Variants in RGL1 observed in about 807,000 individuals in gnomAD.
RGL1 encodes the protein ral guanine nucleotide dissociation stimulator-like 1.
Under a neutral mutation model 95.2 loss-of-function variants are expected in RGL1, and 24 were observed. The ratio of observed to expected loss-of-function variants is 0.25; its 90% CI spans 0.18 to 0.35. RGL1 has a LOEUF of 0.35. Ranked by LOEUF, RGL1 falls within the 10% of genes least tolerant of loss-of-function variation. The pLI is 1.00. For synonymous variants in RGL1, 329 were observed against 344.9 expected (o/e 0.95, Z 0.51); for missense variants, 715 against 936.3 (o/e 0.76, Z 3.08).
In RGL1 at chr1:183,902,565, T is replaced by C. The variant is rs750816734; in HGVS notation, c.1318-3T>C. 6.8e-6 allele frequency: 11 copies of C among 1,607,910 alleles called. No homozygotes were observed. Among genetic ancestry groups the C allele is most frequent in the Admixed American group, 5.1e-5 (3 of 58,602 alleles). On this transcript the variant is annotated splice_polypyrimidine_tract_variant and splice_region_variant and intron_variant, in intron 11 of 17. Coordinates refer to ENST00000360851, the MANE Select transcript of RGL1 (RefSeq NM_001297671.3). ...TCACTCTTTTTATTAAAATTTCTTT[T>C]AGGGTGGACTGATAAACTTTGAGAA...
chr1:183,748,617 A>T (rs1657801057), intron 2 of RGL1, among the ~76,000 whole-genome samples: 1 of 152,162 alleles, frequency 6.6e-6, no homozygotes, highest in African/African-American at 2.4e-5. Flanking sequence ...TGTGTTAGCC[A>T]GGATGGTCTC....
intron 4 of RGL1, among the ~76,000 whole-genome samples, chr1:183,870,999 T>A (rs985711605): frequency 6.6e-6 from 1 of 152,248 alleles, no homozygotes; most frequent in African/African-American, 2.4e-5. Flanking sequence ...TCCCTTTGTT[T>A]CAGTTTCTTC....
chr1:183,698,317 T>G (rs1654374483), intron 1 of RGL1, among the ~76,000 whole-genome samples: 1 of 152,234 alleles, frequency 6.6e-6, no homozygotes, highest in Non-Finnish European at 1.5e-5. Flanking sequence ...CTGTTGCTAG[T>G]CCCTGGCTTA....
At chr1:183,788,040 C>T (rs1323519067) in intron 2 of RGL1, among the ~76,000 whole-genome samples, 3 of 152,140 alleles carry the variant, frequency 2.0e-5, no homozygotes, top group Non-Finnish European at 4.4e-5. Flanking sequence ...TATAGCAACA[C>T]AAAATGGACT....
At chr1:183,904,357 T>G (rs1389759046) in intron 12 of RGL1, among the ~76,000 whole-genome samples, 1 of 152,170 alleles carries the variant, frequency 6.6e-6, no homozygotes, top group Admixed American at 6.5e-5. Context: ...CTACCAAAAC[T>G]TATTTATTGA....
intron 1 of RGL1, among the ~76,000 whole-genome samples, chr1:183,732,078 G>A (rs752802157): frequency 1.3e-5 from 2 of 152,078 alleles, no homozygotes; most frequent in South Asian, 4.1e-4. Context: ...GAAACTACAC[G>A]TCATGTCCCT....
chr1:183,685,262 G>T (rs57169270), intron 1 of RGL1, among the ~76,000 whole-genome samples: 1 of 152,128 alleles, frequency 6.6e-6, no homozygotes, highest in Non-Finnish European at 1.5e-5. Flanking sequence ...GAAAGGAAAC[G>T]CCAGCAGCCT....
At position 183,767,228 on chromosome 1, in the gene RGL1, CAA is replaced by C. The variant is rs11300092; in HGVS notation, c.132+24956_132+24957del. Among the ~76,000 whole-genome samples the C allele has an allele frequency of 7.9e-3, 808 of 102,276 alleles. 1 individual carries two copies. Among genetic ancestry groups the C allele is most frequent in the African/African-American group, 0.017 (448 of 27,018 alleles). 67.1% of individuals were successfully genotyped at this position (102,276 alleles called of 152,430 possible). On this transcript the variant is annotated intron_variant, in intron 2 of 18. Transcript: ENST00000304685. ...TGGGCAGCAGAGCAAGACCCTGTCT[CAA>C]AAAAAAAAAAAAAAAAGAAACTAAA...
chr1:183,673,574 C>T (rs112006846), intron 1 of RGL1, among the ~76,000 whole-genome samples: 6 of 152,330 alleles, frequency 3.9e-5, no homozygotes, highest in African/African-American at 9.6e-5. Flanking sequence ...ATGTCGATGC[C>T]AGTGCAGCAG....
chr1:183,691,037 T>G (rs903035477), intron 1 of RGL1, among the ~76,000 whole-genome samples: 1 of 152,190 alleles, frequency 6.6e-6, no homozygotes, highest in African/African-American at 2.4e-5. Context: ...AATTAAATTT[T>G]GGAACTTTAA....
chr1:183,664,545 C>T (rs1022647051), intron 1 of RGL1, among the ~76,000 whole-genome samples: 3 of 150,334 alleles, frequency 2.0e-5, no homozygotes, highest in African/African-American at 7.4e-5. Flanking sequence ...AAACCCAGAG[C>T]ACTCTAACTC....
intron 1 of RGL1, among the ~76,000 whole-genome samples, chr1:183,737,221 A>G (rs1656995613): frequency 6.6e-6 from 1 of 152,154 alleles, no homozygotes; most frequent in Admixed American, 6.5e-5. Flanking sequence ...ATGGCAAGTT[A>G]TTGTGTTCTT....
At chr1:183,732,404 G>C (rs1266726744) in intron 1 of RGL1, among the ~76,000 whole-genome samples, 1 of 152,152 alleles carries the variant, frequency 6.6e-6, no homozygotes, top group African/African-American at 2.4e-5. Flanking sequence ...GACAGATGTT[G>C]GCATGGATTT....
intron 2 of RGL1, among the ~76,000 whole-genome samples, chr1:183,819,569 G>A (rs1662313641): frequency 6.6e-6 from 1 of 152,036 alleles, no homozygotes; most frequent in African/African-American, 2.4e-5. Context: ...TAGAATTTCA[G>A]AATTCTGTTT....
intron 3 of RGL1, among the ~76,000 whole-genome samples, chr1:183,865,784 G>T (rs1490246336): frequency 6.6e-6 from 1 of 152,192 alleles, no homozygotes; most frequent in Non-Finnish European, 1.5e-5. Flanking sequence ...AGTGTGATTA[G>T]TTGTTAAATG....
chr1:183,924,001 T>A (rs777835964), intron 17 of RGL1, among the ~76,000 whole-genome samples: 3 of 152,182 alleles, frequency 2.0e-5, no homozygotes, highest in Non-Finnish European at 1.5e-5. Context: ...TTTAATTCTG[T>A]TTGTTTTTTC....
chr1:183,788,765 A>G (rs1251397443), intron 2 of RGL1, among the ~76,000 whole-genome samples: 1 of 152,212 alleles, frequency 6.6e-6, no homozygotes, highest in Non-Finnish European at 1.5e-5. Flanking sequence ...GCTCAAGAAG[A>G]GAAGATGTAG....
chr1:183,675,290 A>G (rs1003500435), intron 1 of RGL1, among the ~76,000 whole-genome samples: 11 of 147,678 alleles, frequency 7.4e-5, no homozygotes, highest in Admixed American at 4.6e-4. Context: ...TCAATTCTAT[A>G]TGGTTTTTTT....
In RGL1 at chr1:183,759,966, A is replaced by T. The variant is rs12086063; in HGVS notation, c.132+17677A>T. Among the ~76,000 whole-genome samples the T allele has an allele frequency of 1.9e-3, 282 of 152,340 alleles. 6 individuals are homozygous for T. The East Asian group carries it at 0.042, about 23-fold the overall frequency. ...TGTAATATCTCTGCATATCTATCTT[A>T]TAAGACTCATCACATTAATGGTACA... is the stretch of plus-strand genomic sequence containing the variant. On this transcript the variant is annotated intron_variant, in intron 2 of 18. Coordinates refer to the RGL1 transcript ENST00000304685.
Sources: allele counts gnomAD v4.1 joint callset (sites outside exome capture counted in the v4.1 genomes callset), GRCh38; gene constraint gnomAD v4.1.1; transcripts MANE v1.5; gene names NCBI Gene and HGNC (gene_info 2026-07-23, HGNC 2026-07-21).